TBC1D22A: variants seen among roughly 807,000 people sequenced by gnomAD.
TBC1D22A encodes the protein TBC1 domain family member 22A.
Under a neutral mutation model 60.2 loss-of-function variants are expected in TBC1D22A, and 38 were observed. The observed-to-expected ratio is 0.63, with a 90% CI of 0.49 to 0.83. TBC1D22A has a LOEUF of 0.83. Among genes scored for constraint, TBC1D22A ranks in the 40% least tolerant of loss-of-function variants. TBC1D22A has a pLI of 0.00. For missense variants in TBC1D22A, 628 were observed against 701.0 expected (o/e 0.90, Z 1.18); for synonymous variants, 302 against 281.7 (o/e 1.07, Z -0.72).
intron 11 of TBC1D22A, among the ~76,000 whole-genome samples, chr22:47,037,790 C>G (rs907981507): frequency 2.0e-5 from 3 of 152,206 alleles, no homozygotes; most frequent in Non-Finnish European, 4.4e-5. Context: ...GAATTCACAT[C>G]CTGAGCAGTG....
intron 8 of TBC1D22A, among the ~76,000 whole-genome samples, chr22:46,923,133 G>C (rs1429388481): frequency 2.0e-5 from 3 of 152,190 alleles, no homozygotes; most frequent in Non-Finnish European, 2.9e-5. Flanking sequence ...CATAGCTTTA[G>C]AAACAGTATA....
At chr22:47,098,312 G>A (rs2065263035) in intron 11 of TBC1D22A, among the ~76,000 whole-genome samples, 1 of 152,210 alleles carries the variant, frequency 6.6e-6, no homozygotes. Context: ...AGCGTTTTAA[G>A]AGGAGATTCT....
intron 10 of TBC1D22A, among the ~76,000 whole-genome samples, chr22:47,007,700 G>T (rs1045040137): frequency 1.3e-5 from 2 of 152,036 alleles, no homozygotes; most frequent in African/African-American, 4.8e-5. Flanking sequence ...GGGTAGCGGT[G>T]GTGGGGAGGG....
intron 12 of TBC1D22A, among the ~76,000 whole-genome samples, chr22:47,166,420 GA>G (rs919006274): frequency 1.3e-5 from 2 of 152,136 alleles, no homozygotes; most frequent in Non-Finnish European, 2.9e-5. Flanking sequence ...TTTGAACCTA[GA>G]ATCAATATAA....
intron 4 of TBC1D22A, among the ~76,000 whole-genome samples, chr22:46,840,568 A>C (rs1026495089): frequency 6.6e-6 from 1 of 152,100 alleles, no homozygotes; most frequent in South Asian, 2.1e-4. Flanking sequence ...CCCTGTCTCT[A>C]CTAAAAATAC....
chr22:46,854,224 A>G (rs6008993), intron 4 of TBC1D22A, among the ~76,000 whole-genome samples: 64,866 of 151,726 alleles, frequency 0.43, 13,910 homozygotes, highest in African/African-American at 0.45. Flanking sequence ...GTGATAGGAA[A>G]ATCATGGACG....
At chr22:47,096,871 A>T (rs2065200373) in intron 11 of TBC1D22A, among the ~76,000 whole-genome samples, 1 of 152,180 alleles carries the variant, frequency 6.6e-6, no homozygotes, top group African/African-American at 2.4e-5. Flanking sequence ...TTGTGTCCTG[A>T]AGTGTTGTTT....
intron 11 of TBC1D22A, among the ~76,000 whole-genome samples, chr22:47,075,277 A>G (rs1478001709): frequency 4.0e-5 from 6 of 151,482 alleles, no homozygotes; most frequent in African/African-American, 1.2e-4. Context: ...GGGGACATAG[A>G]TCCCTGCTTT....
At chr22:46,822,674 T>G (rs2085882218) in intron 4 of TBC1D22A, among the ~76,000 whole-genome samples, 1 of 152,198 alleles carries the variant, frequency 6.6e-6, no homozygotes, top group Admixed American at 6.5e-5. Context: ...GCAGGATCTG[T>G]CCTTTATAGG....
intron 10 of TBC1D22A, among the ~76,000 whole-genome samples, chr22:47,004,072 T>C (rs2061495754): frequency 1.4e-5 from 2 of 147,878 alleles, no homozygotes; most frequent in South Asian, 4.3e-4. Context: ...CCTACACACA[T>C]GCCTGTATAC....
intron 4 of TBC1D22A, among the ~76,000 whole-genome samples, chr22:46,846,543 C>T (rs1321366829): frequency 2.6e-5 from 4 of 152,220 alleles, no homozygotes; most frequent in Admixed American, 1.3e-4. Context: ...TCATTGTCAT[C>T]AGGCCTGGGC....
intron 2 of TBC1D22A, chr22:46,792,800 G>A: frequency 6.9e-7 from 1 of 1,453,138 alleles, no homozygotes; most frequent in South Asian, 1.4e-5. Flanking sequence ...GCCTGATGTG[G>A]GGAGGTGGGG....
At chr22:47,031,213 T>G (rs2148374744) in intron 10 of TBC1D22A, among the ~76,000 whole-genome samples, 1 of 152,322 alleles carries the variant, frequency 6.6e-6, no homozygotes, top group South Asian at 2.1e-4. Context: ...AGGTCCTGTG[T>G]CAGGCAGAAG....
rs144923118 is a variant in TBC1D22A at position 47,138,797 on chromosome 22, G to C, written c.1425+27194G>C. On this transcript the variant is annotated intron_variant, in intron 12 of 12. Transcript: ENST00000337137. ...GGCATCTGGTGAGGGCCCGCTCCTGGTTCATAGACAGCACCCTCTGCCATG... is the reference window on the plus strand; with the variant it reads ...GGCATCTGGTGAGGGCCCGCTCCTGCTTCATAGACAGCACCCTCTGCCATG... 5.8e-3 allele frequency among the ~76,000 whole-genome samples: 876 copies of C among 152,232 alleles called. 14 individuals carry two copies. Among genetic ancestry groups the C allele is most frequent in the African/African-American group, 0.02 (844 of 41,536 alleles).
intron 3 of TBC1D22A, among the ~76,000 whole-genome samples, chr22:46,794,952 A>G (rs1259496146): frequency 6.6e-6 from 1 of 152,170 alleles, no homozygotes; most frequent in African/African-American, 2.4e-5. Flanking sequence ...GGGTGGCCTG[A>G]TTTTACCCTG....
Position 47,143,915 on chromosome 22 carries a change from G to A in TBC1D22A, c.1426-29583G>A, listed in dbSNP as rs555244316. On this transcript the variant is annotated intron_variant, in intron 12 of 12. Coordinates refer to ENST00000337137, the MANE Select transcript of TBC1D22A (RefSeq NM_014346.5). The stretch of plus-strand genomic sequence containing the variant: ...AACACGTGGAGAGGTGTGCACTTAC[G>A]GCAGGCCCGCTGCCTTCTTCTGCTC... Among the ~76,000 whole-genome samples, 50 of 152,294 alleles carry A rather than the reference G, an allele frequency of 3.3e-4. 1 individual carries two copies. Among genetic ancestry groups the A allele is most frequent in the Non-Finnish European group, 5.6e-4 (38 of 68,020 alleles).
At chr22:47,130,602 T>G (rs929471286) in intron 12 of TBC1D22A, among the ~76,000 whole-genome samples, 1 of 152,246 alleles carries the variant, frequency 6.6e-6, no homozygotes, top group African/African-American at 2.4e-5. Context: ...CATGTGACTC[T>G]AGGCCTGTGT....
At chr22:46,794,607 G>C (rs529293225) in intron 3 of TBC1D22A, among the ~76,000 whole-genome samples, 1 of 128,760 alleles carries the variant, frequency 7.8e-6, no homozygotes, top group South Asian at 2.6e-4. Flanking sequence ...GTGCCCTGCG[G>C]CAAGTCCATT....
chr22:47,136,261 G>A (rs925441511), intron 12 of TBC1D22A, among the ~76,000 whole-genome samples: 1 of 152,180 alleles, frequency 6.6e-6, no homozygotes, highest in Non-Finnish European at 1.5e-5. Context: ...GAGGGTCCTG[G>A]CCCCCGCCCC....
Sources: allele counts gnomAD v4.1 joint callset (sites outside exome capture counted in the v4.1 genomes callset), GRCh38; gene constraint gnomAD v4.1.1; transcripts MANE v1.5; gene names NCBI Gene and HGNC (gene_info 2026-07-23, HGNC 2026-07-21).